DEF8: variants seen among roughly 807,000 people sequenced by gnomAD.
DEF8 encodes the protein differentially expressed in FDCP 8 homolog.
DEF8 carries 38 observed loss-of-function variants against 59.1 expected under a neutral mutation model. The ratio of observed to expected loss-of-function variants is 0.64; its 90% CI spans 0.50 to 0.84. DEF8 has a LOEUF of 0.84. Among genes scored for constraint, DEF8 ranks in the 40% least tolerant of loss-of-function variants. The pLI, the probability that DEF8 is intolerant of heterozygous loss-of-function variation, is 0.00. For missense variants in DEF8, 557 were observed against 615.2 expected (o/e 0.91, Z 1.00); for synonymous variants, 265 against 250.1 (o/e 1.06, Z -0.56).
chr16:89,949,332 C>A (rs967661056), intron 1 of DEF8, 85 bp from the exon 2 acceptor site: 3 of 1,131,290 alleles, frequency 2.7e-6, no homozygotes, highest in South Asian at 1.5e-5. Context: ...GAGAGACCTG[C>A]CCCCGAGGAG....
chr16:89,959,419 T>G, intron 6 of DEF8: 81 of 1,144,096 alleles, frequency 7.1e-5, no homozygotes, highest in South Asian at 7.2e-5. Flanking sequence ...TAGCACGTGT[T>G]AGGGTGGAGT....
At chr16:89,953,997 C>T (rs1029676581) in intron 2 of DEF8, among the ~76,000 whole-genome samples, 11 of 152,206 alleles carry the variant, frequency 7.2e-5, no homozygotes, top group East Asian at 3.9e-4. Flanking sequence ...CACGTGCCCT[C>T]GTGGGACCCT....
At chr16:89,960,540 CAG>C (rs1207427527) in intron 6 of DEF8, among the ~76,000 whole-genome samples, 1 of 150,842 alleles carries the variant, frequency 6.6e-6, no homozygotes, top group Non-Finnish European at 1.5e-5. Flanking sequence ...ACAACAAAAA[CAG>C]AGAGAGAGAA....
rs1232212045 is a variant in DEF8 at position 89,967,395 on chromosome 16, G to A, written c.*1432G>A. ...CGGCAGGGTCTCCTCTTTGTCCTCC[G>A]GCATCAGGAAGGGGATGGTGTCCAC... On this transcript the variant is annotated 3_prime_UTR_variant, in exon 13 of 13. Transcript: ENST00000563594. 5 of 398,504 alleles carry A rather than the reference G, an allele frequency of 1.3e-5. No homozygotes were observed. The highest frequency in any genetic ancestry group is 2.2e-5 in the Non-Finnish European group (5 of 226,080). The allele number at this position is 398,504 out of a possible 1,614,324, so 24.7% of individuals were successfully genotyped here.
intron 4 of DEF8, chr16:89,957,106 G>C (rs1458770663): frequency 6.3e-6 from 1 of 158,582 alleles, no homozygotes; most frequent in African/African-American, 2.4e-5. Context: ...GCTTGGGCTT[G>C]GCAGTCAAGC....
Position 89,965,983 on chromosome 16 carries a change from GCACCCCGCCTGGCCCGCCAGGACC to G in DEF8, c.*26_*49del, listed in dbSNP as rs1335624227. On this transcript the variant is annotated 3_prime_UTR_variant, in exon 13 of 13. Coordinates refer to ENST00000563594, the MANE Select transcript of DEF8 (RefSeq NM_001242818.2). Reference sequence around the variant, plus strand: ...GCCTAGCGCCGAGGAACAGTGCTGGGCACCCCGCCTGGCCCGCCAGGACCCACCCTGCCAACATCAAGTTGTTCC... The same window carrying G: ...GCCTAGCGCCGAGGAACAGTGCTGGGCACCCTGCCAACATCAAGTTGTTCC... The G allele has an allele frequency of 6.3e-7, 1 of 1,589,324 alleles. No individual in the cohort carries two copies. The highest frequency in any genetic ancestry group is 8.6e-7 in the Non-Finnish European group (1 of 1,162,496).
rs773755947 is a variant in DEF8 at position 89,959,057 on chromosome 16, A to G, written c.416A>G (p.His139Arg). 1.9e-6 allele frequency: 3 copies of G among 1,613,470 alleles called. No homozygotes were observed. ...DEPNIRVLLE[H>R]RFYKEKSKSV... The stretch of plus-strand genomic sequence containing the variant: ...CCAAACATCCGAGTGCTCCTTGAGC[A>G]CCGCTTTTACAAGGAGAAGAGCAAG... Residue 139 changes from histidine to arginine, a missense_variant, in exon 6 of 13, where the codon CAC becomes CGC. Transcript: ENST00000563594.
chr16:89,964,366 G>C (rs1421935383), intron 11 of DEF8, 56 bp downstream of exon 11: 11 of 1,540,658 alleles, frequency 7.1e-6, no homozygotes, highest in Non-Finnish European at 8.7e-6. Context: ...GGGGGGATTG[G>C]CAGGAGAAGC....
In DEF8 at chr16:89,955,052, C is replaced by T. The variant is rs765403687; in HGVS notation, c.125-117C>T. 6.5e-6 allele frequency: 5 copies of T among 768,718 alleles called. No individual in the cohort carries two copies. In the East Asian group the frequency reaches 1.3e-4, roughly 20 times the overall value. 47.6% of individuals were successfully genotyped at this position (768,718 alleles called of 1,614,324 possible). On this transcript the variant is annotated intron_variant, in intron 3 of 12. Transcript: ENST00000563594. ...TGGTGCCCAGCTCTCACGGTGCCTC[C>T]TTTCTGTGCGGCTTCCTGAATCCCT...
rs572128493 is a variant in DEF8, at chr16:89,962,245, C to G, written c.921+120C>G. On this transcript the variant is annotated intron_variant, in intron 9 of 12. Transcript: ENST00000563594. ...GGTTCTGAGCAGAGGAGGGAGGCCA[C>G]CTGCTTAGGGTGAGCCAGGCGCCGC... The G allele has an allele frequency of 7.9e-6, 7 of 886,448 alleles. No individual in the cohort carries two copies. In the African/African-American group the frequency reaches 1.2e-4, roughly 15 times the overall value. 54.9% of individuals were successfully genotyped at this position (886,448 alleles called of 1,614,324 possible).
At chr16:89,964,099 C>G (rs547199473) in intron 10 of DEF8, 71 bp from the exon 11 acceptor site, 1 of 1,603,166 alleles carries the variant, frequency 6.2e-7, no homozygotes. Context: ...CTGACCACTG[C>G]AGCGACCATG....
chr16:89,949,954 C>G (rs1488951624), intron 2 of DEF8: 21 of 919,954 alleles, frequency 2.3e-5, no homozygotes, highest in Admixed American at 1.9e-4. Flanking sequence ...TGAGCAGAAG[C>G]TAAGGCTGCG....
chr16:89,951,610 C>G (rs987877181), intron 2 of DEF8, among the ~76,000 whole-genome samples: 3 of 152,112 alleles, frequency 2.0e-5, no homozygotes, highest in South Asian at 2.1e-4. Flanking sequence ...GTGGGAATAT[C>G]GTATTTCTCT....
chr16:89,949,758 G>A, intron 2 of DEF8: 1 of 985,510 alleles, frequency 1.0e-6, no homozygotes, highest in South Asian at 1.6e-5. Context: ...GATGAGAGCA[G>A]TGGGCTCTAG....
In DEF8 at chr16:89,954,359, C is replaced by T. The variant is rs370773041; in HGVS notation, c.107C>T (p.Pro36Leu). The change falls in exon 3 of 13, where the codon CCG becomes CTG. Residue 36 changes from proline (P) to leucine (L), a missense_variant. Physicochemically the swap from Pro to Leu is moderately conservative, Grantham distance 98 (BLOSUM62 -3). Transcript: ENST00000563594. The surrounding 1 kb of genome is among the most constrained non-coding windows in gnomAD (Gnocchi z 4.3). ...GAGCAGGGCCCTGGGGAGGAGGTCC[C>T]GGACGTCACTCCTGAAGGTGGGTGC... ...QHEQGPGEEV[P>L]DVTPEEALPE... 47 of 1,613,590 alleles carry T rather than the reference C, an allele frequency of 2.9e-5. No homozygotes were observed. The highest frequency in any genetic ancestry group is 1.7e-4 in the Middle Eastern group (1 of 6,056).
chr16:89,948,795 A>G lies in DEF8; in HGVS notation c.-127A>G, dbSNP rs2031141913. ...GGCGGATCCAGCGCAGCCGGGAGAC[A>G]GATGCGAGGCGGCGGTCAGGTGAGC... On this transcript the variant is annotated 5_prime_UTR_variant, in exon 1 of 13. Coordinates refer to ENST00000563594, the MANE Select transcript of DEF8 (RefSeq NM_001242818.2). 1.0e-6 allele frequency: 1 copy of G among 980,184 alleles called. No homozygotes were observed. The highest frequency in any genetic ancestry group is 1.2e-6 in the Non-Finnish European group (1 of 828,514). The allele number at this position is 980,184 out of a possible 1,614,324, so 60.7% of individuals were successfully genotyped here.
chr16:89,964,464 A>G lies in DEF8; in HGVS notation c.1144-2A>G. ...GCCCCAACCCCACACTGTTCCCCCCAGCGGTGCCAGGCCAAGGGCTTCGTG... is the reference window on the plus strand; with the variant it reads ...GCCCCAACCCCACACTGTTCCCCCCGGCGGTGCCAGGCCAAGGGCTTCGTG... On this transcript the variant is annotated splice_acceptor_variant, in intron 11 of 12. Coordinates refer to ENST00000563594, the MANE Select transcript of DEF8 (RefSeq NM_001242818.2). LOFTEE classifies it high-confidence loss of function. 6.3e-7 allele frequency: 1 copy of G among 1,586,366 alleles called. No individual in the cohort carries two copies. Among genetic ancestry groups the G allele is most frequent in the Non-Finnish European group, 8.6e-7 (1 of 1,166,822 alleles).
In DEF8 at chr16:89,957,501, A is replaced by T. The variant is rs764432840; in HGVS notation, c.223-10A>T. On this transcript the variant is annotated splice_polypyrimidine_tract_variant and intron_variant, in intron 4 of 12. Transcript: ENST00000563594. ...GGGCCTTTGACTGCCCCCGCCCCCA[A>T]CCTGGGCAGGGTCTGTTCCTGGCCT... The T allele has an allele frequency of 2.0e-5, 31 of 1,575,530 alleles. No homozygotes were observed. In the Admixed American group the frequency reaches 5.5e-4, roughly 28 times the overall value.
chr16:89,954,183 G>C lies in DEF8; in HGVS notation c.-10-60G>C. Reference sequence around the variant, plus strand: ...GACACCCCAGTGTGGTTGGGGAAAGGGGGTGGTCCGTGGTGAGCCTGGTAC... The same window carrying C: ...GACACCCCAGTGTGGTTGGGGAAAGCGGGTGGTCCGTGGTGAGCCTGGTAC... On this transcript the variant is annotated intron_variant, in intron 2 of 12. Transcript: ENST00000563594. The surrounding 1 kb of genome is among the most constrained non-coding windows in gnomAD (Gnocchi z 4.3). 1 of 1,580,458 alleles carries C rather than the reference G, an allele frequency of 6.3e-7. No homozygotes were observed. Among genetic ancestry groups the C allele is most frequent in the Non-Finnish European group, 8.6e-7 (1 of 1,161,896 alleles).
Sources: allele counts gnomAD v4.1 joint callset (sites outside exome capture counted in the v4.1 genomes callset), GRCh38; gene constraint gnomAD v4.1.1; non-coding constraint Gnocchi (gnomAD v3.1); transcripts MANE v1.5; gene names NCBI Gene and HGNC (gene_info 2026-07-23, HGNC 2026-07-21).